Variants in PDE2A observed in about 807,000 individuals in gnomAD.
The protein encoded by PDE2A is phosphodiesterase 2A.
PDE2A carries 53 observed loss-of-function variants against 133.6 expected under a neutral mutation model. That is an observed-to-expected ratio of 0.40 (90% CI 0.32 to 0.50). The LOEUF (loss-of-function observed/expected upper bound fraction) is 0.50, where lower values mean the gene tolerates loss of function less well. PDE2A is among the 20% of genes least tolerant of loss of function. PDE2A has a pLI of 0.73. For synonymous variants in PDE2A, 491 were observed against 490.2 expected, an observed-to-expected ratio of 1.00 and a Z score of -0.02; for missense variants, 796 against 1,232.4, an observed-to-expected ratio of 0.65 and a Z score of 5.30.
intron 1 of PDE2A, chr11:72,659,218 T>C (rs1264721482): frequency 1.3e-5 from 2 of 149,724 alleles, no homozygotes; most frequent in Non-Finnish European, 3.0e-5. Flanking sequence ...GAGGAGGCAG[T>C]CACAGACCTA....
chr11:72,579,235 C>T, intron 27 of PDE2A, 49 bp downstream of exon 27: 1 of 1,400,592 alleles, frequency 7.1e-7, no homozygotes, highest in East Asian at 2.3e-5. Flanking sequence ...CAAATCCTTC[C>T]CCTGGTTGTT....
intron 2 of PDE2A, among the ~76,000 whole-genome samples, chr11:72,622,458 G>A (rs1205288486): frequency 6.6e-6 from 1 of 152,212 alleles, no homozygotes; most frequent in Non-Finnish European, 1.5e-5. Flanking sequence ...CAACCCAAGT[G>A]TCTGGTGTTG....
chr11:72,647,416 G>A (rs576060594), intron 1 of PDE2A, among the ~76,000 whole-genome samples: 11 of 152,208 alleles, frequency 7.2e-5, no homozygotes, highest in Non-Finnish European at 1.3e-4. Context: ...AAGCTGAGGT[G>A]GAGGAGGCAG....
chr11:72,660,941 TAAGAG>T (rs550506825), intron 1 of PDE2A, among the ~76,000 whole-genome samples: 3 of 151,688 alleles, frequency 2.0e-5, no homozygotes, highest in Non-Finnish European at 4.4e-5. Flanking sequence ...AGAAGAAACA[TAAGAG>T]AAATCAGGCA....
rs34217943 is a variant in PDE2A, at chr11:72,664,364, A to ATTTTTTTTTTTT, written c.71+9761_71+9772dup. 1.4e-3 allele frequency among the ~76,000 whole-genome samples: 101 copies of ATTTTTTTTTTTT among 70,104 alleles called. 11 individuals are homozygous for ATTTTTTTTTTTT. Among genetic ancestry groups the ATTTTTTTTTTTT allele is most frequent in the African/African-American group, 2.2e-3 (37 of 16,584 alleles). 46.0% of individuals were successfully genotyped at this position (70,104 alleles called of 152,430 possible). A position where few individuals can be genotyped will look rare whatever the true frequency, so the allele number is the denominator to read the frequency against. ...CAAAATAGGGCTAGCCCCTTGAAGG[A>ATTTTTTTTTTTT]TTTTTTTTTTTTTTTTTTTTTTTTT... On this transcript the variant is annotated intron_variant, in intron 1 of 30. Transcript: ENST00000334456.
intron 4 of PDE2A, among the ~76,000 whole-genome samples, chr11:72,601,016 C>T (rs1004937996): frequency 6.6e-6 from 1 of 151,070 alleles, no homozygotes; most frequent in Non-Finnish European, 1.5e-5. Context: ...GTGTGTCCTT[C>T]TCGCGTTCTC....
chr11:72,668,317 C>T (rs1855297048), intron 1 of PDE2A: 1 of 718,740 alleles, frequency 1.4e-6, no homozygotes. Context: ...AGCGATTTCC[C>T]CTCCTGGATC....
chr11:72,607,904 A>C (rs1228519280), intron 3 of PDE2A, among the ~76,000 whole-genome samples: 2 of 152,060 alleles, frequency 1.3e-5, no homozygotes, highest in African/African-American at 2.4e-5. Flanking sequence ...CCAGGCTTCA[A>C]ACGTCCCCTG....
At position 72,646,549 on chromosome 11, in the gene PDE2A, C is replaced by G. The variant is rs558743688; in HGVS notation, c.72-4223G>C. On this transcript the variant is annotated intron_variant, in intron 1 of 30. Coordinates refer to ENST00000334456, the MANE Select transcript of PDE2A (RefSeq NM_002599.5). The stretch of plus-strand genomic sequence containing the variant: ...TAAGCAGCTACTATGTAGCCCAGGA[C>G]CCCCCAAAGCCAGGGCAGGTTCACT... Among the ~76,000 whole-genome samples the G allele has an allele frequency of 6.7e-4, 102 of 152,274 alleles. 1 individual carries two copies. The highest frequency in any genetic ancestry group is 2.4e-3 in the African/African-American group (99 of 41,562).
At chr11:72,661,535 C>T (rs1484916616) in intron 1 of PDE2A, among the ~76,000 whole-genome samples, 1 of 152,178 alleles carries the variant, frequency 6.6e-6, no homozygotes, top group African/African-American at 2.4e-5. Context: ...TCAGTGATGC[C>T]ATGTGGCAGG....
intron 4 of PDE2A, among the ~76,000 whole-genome samples, chr11:72,600,220 G>A (rs147119818): frequency 1.3e-5 from 2 of 152,152 alleles, no homozygotes; most frequent in Non-Finnish European, 2.9e-5. Context: ...TATGATTTCA[G>A]AACGATCATG....
At chr11:72,592,643 C>T (rs1856304754) in intron 6 of PDE2A, among the ~76,000 whole-genome samples, 1 of 152,054 alleles carries the variant, frequency 6.6e-6, no homozygotes. Context: ...GGGGTGTGGT[C>T]CATGGTACCA....
Position 72,584,325 on chromosome 11 carries a change from A to G in PDE2A, c.1538-12T>C, listed in dbSNP as rs768813829. On this transcript the variant is annotated splice_polypyrimidine_tract_variant and intron_variant, in intron 18 of 30. Transcript: ENST00000334456. ...CACACCGATGACCTCTGGGGAAGGG[A>G]GAGGGGCAAGGAACCACCGGTGGAG... is the stretch of plus-strand genomic sequence containing the variant. The G allele has an allele frequency of 1.3e-6, 2 of 1,549,376 alleles. No individual in the cohort carries two copies. Among genetic ancestry groups the G allele is most frequent in the East Asian group, 2.2e-5 (1 of 44,562 alleles).
intron 2 of PDE2A, 133 bp from the exon 3 acceptor site, chr11:72,608,884 T>C (rs979845451): frequency 1.6e-6 from 1 of 630,712 alleles, no homozygotes; most frequent in African/African-American, 1.8e-5. Context: ...AATCCCAGGA[T>C]CTTAGGATCT....
intron 1 of PDE2A, chr11:72,652,828 T>A (rs1591131364): frequency 4.9e-6 from 2 of 409,498 alleles, no homozygotes; most frequent in African/African-American, 4.1e-5. Context: ...GCCCAGGGCC[T>A]CCCCCAGTCC....
intron 1 of PDE2A, among the ~76,000 whole-genome samples, chr11:72,663,680 G>C (rs1253848171): frequency 6.9e-6 from 1 of 144,840 alleles, no homozygotes; most frequent in Non-Finnish European, 1.5e-5. Context: ...AGTGAGACAA[G>C]ATCGCACCAC....
intron 2 of PDE2A, among the ~76,000 whole-genome samples, chr11:72,614,263 C>T (rs1010452240): frequency 6.6e-6 from 1 of 152,234 alleles, no homozygotes; most frequent in Non-Finnish European, 1.5e-5. Flanking sequence ...GAAGATCTTG[C>T]AGCCCCAGAC....
chr11:72,631,070 G>T, intron 2 of PDE2A: 2 of 1,541,074 alleles, frequency 1.3e-6, no homozygotes, highest in Non-Finnish European at 1.8e-6. Context: ...CCTCCACTGA[G>T]CTCTCACCTC....
chr11:72,665,705 C>G (rs1383816477), intron 1 of PDE2A, among the ~76,000 whole-genome samples: 1 of 152,100 alleles, frequency 6.6e-6, no homozygotes, highest in East Asian at 1.9e-4. Flanking sequence ...AGCCCCTGCT[C>G]ATGCCTCCCC....
Sources: gnomAD v4.1 joint callset for allele counts (sites outside exome capture counted in the v4.1 genomes callset) on GRCh38, gnomAD v4.1.1 for gene constraint, MANE v1.5 for transcripts, NCBI Gene and HGNC (gene_info 2026-07-23, HGNC 2026-07-21) for gene names.